The following PLCL1 variants were observed in gnomAD, a reference collection of about 807,000 sequenced individuals.
PLCL1 encodes the protein phospholipase C like 1 (inactive).
A neutral mutation model predicts 84.4 loss-of-function variants in PLCL1; 41 were observed. That is an observed-to-expected ratio of 0.49 (90% confidence interval 0.38 to 0.63). The LOEUF (loss-of-function observed/expected upper bound fraction) is 0.63, where lower values mean the gene tolerates loss of function less well. Ranked by LOEUF, PLCL1 falls within the 30% of genes least tolerant of loss-of-function variation. The pLI, the probability that PLCL1 is intolerant of heterozygous loss-of-function variation, is 0.00. For synonymous variants in PLCL1, 490 were observed against 488.3 expected (o/e 1.00, Z -0.05); for missense variants, 1,206 against 1,367.8 (o/e 0.88, Z 1.87).
At chr2:198,041,836 G>A (rs965437003) in intron 1 of PLCL1, among the ~76,000 whole-genome samples, 5 of 152,188 alleles carry the variant, frequency 3.3e-5, no homozygotes, top group African/African-American at 1.2e-4. Context: ...AGGTAACAAG[G>A]TTGATGATGG....
intron 1 of PLCL1, among the ~76,000 whole-genome samples, chr2:197,905,224 C>A (rs2105740749): frequency 6.6e-6 from 1 of 152,316 alleles, no homozygotes; most frequent in African/African-American, 2.4e-5. Flanking sequence ...TTAGGTATTT[C>A]TCCTAATGCT....
intron 1 of PLCL1, among the ~76,000 whole-genome samples, chr2:197,923,319 G>C (rs1162282437): frequency 2.7e-5 from 4 of 148,778 alleles, no homozygotes; most frequent in African/African-American, 7.4e-5. Flanking sequence ...TCACTTCCCA[G>C]ATGGGGTGGC....
intron 1 of PLCL1, among the ~76,000 whole-genome samples, chr2:197,954,932 G>T (rs144426773): frequency 1.3e-3 from 200 of 152,116 alleles, no homozygotes; most frequent in African/African-American, 4.3e-3. Flanking sequence ...GAATTTAAGA[G>T]GAAGCTATGT....
intron 5 of PLCL1, among the ~76,000 whole-genome samples, chr2:198,117,089 T>C (rs1359567545): frequency 6.6e-6 from 1 of 151,932 alleles, no homozygotes; most frequent in East Asian, 1.9e-4. Context: ...AGAATAAAAC[T>C]GGTTCATGAA....
chr2:197,986,482 C>G (rs1202635955), intron 1 of PLCL1, among the ~76,000 whole-genome samples: 1 of 152,164 alleles, frequency 6.6e-6, no homozygotes, highest in Non-Finnish European at 1.5e-5. Flanking sequence ...CTTTGAGTAG[C>G]TAGGACTATA....
chr2:197,850,031 GACACACACAC>G (rs5837563), intron 1 of PLCL1, among the ~76,000 whole-genome samples: 3,445 of 135,022 alleles, frequency 0.026, 139 homozygotes, highest in African/African-American at 0.082. Flanking sequence ...GACACACACA[GACACACACAC>G]ACACACACAC....
At chr2:197,896,117 G>A (rs2105731034) in intron 1 of PLCL1, among the ~76,000 whole-genome samples, 1 of 152,000 alleles carries the variant, frequency 6.6e-6, no homozygotes, top group South Asian at 2.1e-4. Context: ...AGTAGTCTCA[G>A]GCTTTCACTG....
chr2:198,051,945 T>C (rs1195861396), intron 1 of PLCL1, among the ~76,000 whole-genome samples: 1 of 150,230 alleles, frequency 6.7e-6, no homozygotes, highest in African/African-American at 2.5e-5. Context: ...GTTTCACTCT[T>C]GTTGTCCAGG....
rs2228135 is a variant in PLCL1, at chr2:198,085,305, A to G, written c.1788A>G (p.Gln596=). ...TGGTGTCTATTTGTAAATCTGTTCAATACAGGGATTTTGAACTATCTATGA... is the reference window on the plus strand; with the variant it reads ...TGGTGTCTATTTGTAAATCTGTTCAGTACAGGGATTTTGAACTATCTATGA... ...SDLVSICKSV[Q]YRDFELSMKS... is the part of the protein sequence containing the mutation. The change falls in exon 2 of 6, where the codon CAA becomes CAG. Residue 596 remains glutamine, a synonymous_variant. Transcript: ENST00000428675. This position sits in a 1 kb window ranked among gnomAD's most constrained non-coding sequence, Gnocchi z 5.3. 0.18 allele frequency: 295,413 copies of G among 1,613,352 alleles called. 28,372 individuals are homozygous for G. The highest frequency in any genetic ancestry group is 0.32 in the African/African-American group (24,121 of 74,894).
At chr2:198,060,243 G>A (rs16827267) in intron 1 of PLCL1, among the ~76,000 whole-genome samples, 27,368 of 152,138 alleles carry the variant, frequency 0.18, 2,493 homozygotes, top group East Asian at 0.26. Context: ...CCGCTGAAAA[G>A]TGTACTAACT....
intron 1 of PLCL1, among the ~76,000 whole-genome samples, chr2:197,964,294 T>C (rs1231412993): frequency 1.3e-5 from 2 of 152,144 alleles, no homozygotes; most frequent in African/African-American, 2.4e-5. Flanking sequence ...TGTATAGTTT[T>C]CATTGTAGAG....
chr2:198,110,823 G>T (rs1693600980), intron 5 of PLCL1, among the ~76,000 whole-genome samples: 1 of 151,770 alleles, frequency 6.6e-6, no homozygotes, highest in African/African-American at 2.4e-5. Context: ...TGTCTATTGA[G>T]AACTTTTCCA....
intron 1 of PLCL1, among the ~76,000 whole-genome samples, chr2:197,924,563 A>G (rs1220918630): frequency 6.6e-6 from 1 of 151,982 alleles, no homozygotes; most frequent in Non-Finnish European, 1.5e-5. Flanking sequence ...CATGAGCAAT[A>G]CTATTATTAT....
At chr2:197,922,546 T>C (rs1264914307) in intron 1 of PLCL1, among the ~76,000 whole-genome samples, 5 of 127,806 alleles carry the variant, frequency 3.9e-5, no homozygotes, top group Non-Finnish European at 8.5e-5. Flanking sequence ...CCAGACGGGG[T>C]GGTGGCCGGG....
rs933830835 is a variant in PLCL1 at position 198,002,064 on chromosome 2, G to A, written c.241-81694G>A. Reference sequence around the variant, plus strand: ...ACAATGTAATAATAATAAAAATAAAGGGCACAATAAATGTAATGTGCTTAA... The same window carrying A: ...ACAATGTAATAATAATAAAAATAAAAGGCACAATAAATGTAATGTGCTTAA... On this transcript the variant is annotated intron_variant, in intron 1 of 5. Transcript: ENST00000428675. 20 of 362,708 alleles carry A rather than the reference G, an allele frequency of 5.5e-5. 1 individual carries two copies. Among genetic ancestry groups the A allele is most frequent in the South Asian group, 4.6e-4 (20 of 43,284 alleles). The allele number at this position is 362,708 out of a possible 1,614,324, so 22.5% of individuals were successfully genotyped here.
At chr2:197,888,798 C>T (rs1178928386) in intron 1 of PLCL1, among the ~76,000 whole-genome samples, 1 of 151,904 alleles carries the variant, frequency 6.6e-6, no homozygotes, top group African/African-American at 2.4e-5. Flanking sequence ...TCTCATGATT[C>T]CTGCTGATTC....
At chr2:198,145,548 C>G (rs1694498221) in intron 5 of PLCL1, among the ~76,000 whole-genome samples, 1 of 152,184 alleles carries the variant, frequency 6.6e-6, no homozygotes, top group Non-Finnish European at 1.5e-5. Flanking sequence ...ACTCTTCTTC[C>G]AAAATCCCAT....
At chr2:198,108,516 G>A (rs1693543537) in intron 5 of PLCL1, among the ~76,000 whole-genome samples, 1 of 151,854 alleles carries the variant, frequency 6.6e-6, no homozygotes, top group Non-Finnish European at 1.5e-5. Context: ...AAGGGGCATT[G>A]GCTTTAGAGT....
intron 1 of PLCL1, among the ~76,000 whole-genome samples, chr2:197,812,926 G>A (rs1294292688): frequency 2.0e-5 from 3 of 152,108 alleles, no homozygotes; most frequent in East Asian, 1.9e-4. Context: ...AGGCCCAAAC[G>A]ACTTCAAACA....
Sources: allele counts gnomAD v4.1 joint callset (sites outside exome capture counted in the v4.1 genomes callset), GRCh38; gene constraint gnomAD v4.1.1; non-coding constraint Gnocchi (gnomAD v3.1); transcripts MANE v1.5; gene names NCBI Gene and HGNC (gene_info 2026-07-23, HGNC 2026-07-21).